Variants in PRRG4 observed in about 807,000 individuals in gnomAD.
The protein encoded by PRRG4 is proline rich and Gla domain 4.
A neutral mutation model predicts 20.0 loss-of-function variants in PRRG4; 12 were observed. The ratio of observed to expected loss-of-function variants is 0.60; its 90% CI spans 0.38 to 0.97. The LOEUF (loss-of-function observed/expected upper bound fraction) is 0.97, where lower values mean the gene tolerates loss of function less well. Ranked by LOEUF, PRRG4 falls within the 50% of genes least tolerant of loss-of-function variation. The pLI is 0.00. For synonymous variants in PRRG4, 94 were observed against 96.4 expected (o/e 0.98, Z 0.15); for missense variants, 199 against 265.1 (o/e 0.75, Z 1.73).
In PRRG4 at chr11:32,856,834, T is replaced by C. The variant is rs1851230748; in HGVS notation, c.*3307T>C. On this transcript the variant is annotated 3_prime_UTR_variant, in exon 6 of 6. Transcript: ENST00000257836. Reference sequence around the variant, plus strand: ...CAAACTTTGACTATGTCAAAGTATTTTTATTTTTAATTTTTTGAGACAAGG... The same window carrying C: ...CAAACTTTGACTATGTCAAAGTATTCTTATTTTTAATTTTTTGAGACAAGG... 6.6e-6 allele frequency: 1 copy of C among 152,196 alleles called. No individual in the cohort carries two copies. The highest frequency in any genetic ancestry group is 6.5e-5 in the Admixed American group (1 of 15,278). 9.4% of individuals were successfully genotyped at this position (152,196 alleles called of 1,614,324 possible). A position where few individuals can be genotyped will look rare whatever the true frequency, so the allele number is the denominator to read the frequency against.
In PRRG4 at chr11:32,840,743, G is replaced by A. The variant is rs1418914932; in HGVS notation, c.449+504G>A. Among the ~76,000 whole-genome samples, 1 of 152,148 alleles carries A rather than the reference G, an allele frequency of 6.6e-6. No homozygotes were observed. The highest frequency in any genetic ancestry group is 1.5e-5 in the Non-Finnish European group (1 of 68,030). Reference sequence around the variant, plus strand: ...TCAGTATTTCCTTCTTAAGCAAGAGGCAGATACCAGTGTCTTCACATTATT... The same window carrying A: ...TCAGTATTTCCTTCTTAAGCAAGAGACAGATACCAGTGTCTTCACATTATT... On this transcript the variant is annotated intron_variant, in intron 5 of 5. Coordinates refer to ENST00000257836, the MANE Select transcript of PRRG4 (RefSeq NM_024081.6). The surrounding 1 kb of genome is among the most constrained non-coding windows in gnomAD (Gnocchi z 4.1).
At chr11:32,851,430 T>C (rs1427447080) in intron 5 of PRRG4, among the ~76,000 whole-genome samples, 1 of 152,196 alleles carries the variant, frequency 6.6e-6, no homozygotes, top group Non-Finnish European at 1.5e-5. Context: ...CATGAATACA[T>C]TCCAGATTTC....
chr11:32,843,329 A>G (rs1467566021), intron 5 of PRRG4, among the ~76,000 whole-genome samples: 1 of 152,094 alleles, frequency 6.6e-6, no homozygotes, highest in Admixed American at 6.6e-5. Flanking sequence ...ATATTATAGA[A>G]AGGTATAATA....
intron 5 of PRRG4, among the ~76,000 whole-genome samples, chr11:32,849,790 A>C (rs1274517280): frequency 6.6e-6 from 1 of 152,236 alleles, no homozygotes; most frequent in Non-Finnish European, 1.5e-5. Context: ...CAGAAGAGGA[A>C]CATAAATGGT....
chr11:32,846,694 G>A (rs575560758), intron 5 of PRRG4, among the ~76,000 whole-genome samples: 3 of 151,766 alleles, frequency 2.0e-5, no homozygotes, highest in African/African-American at 7.2e-5. Flanking sequence ...CGTAGAACTT[G>A]ATGCCTGATT....
chr11:32,846,782 G>A (rs1176185950), intron 5 of PRRG4, among the ~76,000 whole-genome samples: 3 of 152,068 alleles, frequency 2.0e-5, no homozygotes, highest in South Asian at 2.1e-4. Context: ...GGCGGATCAC[G>A]AGGTCAAGAG....
chr11:32,833,618 A>G (rs1590667309), intron 2 of PRRG4, among the ~76,000 whole-genome samples: 2 of 152,238 alleles, frequency 1.3e-5, no homozygotes, highest in East Asian at 1.9e-4. Flanking sequence ...CTTTAAACCT[A>G]TGCCGAGCTG....
chr11:32,837,529 GATGATGATGATGATTATTATTATT>G (rs1465985137), intron 3 of PRRG4, among the ~76,000 whole-genome samples: 8 of 113,072 alleles, frequency 7.1e-5, no homozygotes, highest in African/African-American at 1.5e-4. Context: ...TGATGATGAT[GATGATGATGATGATTATTATTATT>G]ATTATTATTA....
chr11:32,838,740 C>A, intron 3 of PRRG4, 142 bp from the exon 4 acceptor site: 1 of 603,284 alleles, frequency 1.7e-6, no homozygotes, highest in Admixed American at 2.8e-5. Flanking sequence ...TAGAGTGAGT[C>A]ACACCCTCCA....
intron 5 of PRRG4, among the ~76,000 whole-genome samples, chr11:32,846,552 G>C (rs1851132190): frequency 6.6e-6 from 1 of 152,188 alleles, no homozygotes; most frequent in East Asian, 1.9e-4. Flanking sequence ...GGCTCTTATA[G>C]TCTGGTTTTC....
chr11:32,853,320 G>T lies in PRRG4; in HGVS notation c.474G>T (p.Gly158=). 6.2e-7 allele frequency: 1 copy of T among 1,614,016 alleles called. No homozygotes were observed. Among genetic ancestry groups the T allele is most frequent in the Non-Finnish European group, 8.5e-7 (1 of 1,179,958 alleles). ...GCTCTTCAGCCGTCTATGAAAGGGG[G>T]AGGCACACTCCCTCCATCATTTTCA... ...HPCSSAVYER[G]RHTPSIIFRR... The change falls in exon 6 of 6, where the codon GGG becomes GGT. Residue 158 remains glycine, a synonymous_variant. Coordinates refer to ENST00000257836, the MANE Select transcript of PRRG4 (RefSeq NM_024081.6).
chr11:32,837,535 GATGATGATTATTATTATTATT>G lies in PRRG4; in HGVS notation c.267+717_267+737del, dbSNP rs1451052558. Among the ~76,000 whole-genome samples, 38 of 103,428 alleles carry G rather than the reference GATGATGATTATTATTATTATT, an allele frequency of 3.7e-4. 2 individuals carry two copies. Among genetic ancestry groups the G allele is most frequent in the Admixed American group, 3.2e-3 (31 of 9,720 alleles). 67.9% of individuals were successfully genotyped at this position (103,428 alleles called of 152,430 possible). ...TGATGATGATGATGATGATGATGAT[GATGATGATTATTATTATTATT>G]ATTATTATTATTATTATTATTATTA... On this transcript the variant is annotated intron_variant, in intron 3 of 5. Transcript: ENST00000257836.
chr11:32,853,031 G>A (rs1302633864), intron 5 of PRRG4, among the ~76,000 whole-genome samples: 4 of 142,390 alleles, frequency 2.8e-5, no homozygotes, highest in Non-Finnish European at 6.0e-5. Context: ...CTCATGATCC[G>A]CCCGCCTCAG....
At chr11:32,852,177 A>G (rs980536566) in intron 5 of PRRG4, among the ~76,000 whole-genome samples, 2 of 152,214 alleles carry the variant, frequency 1.3e-5, no homozygotes, top group African/African-American at 4.8e-5. Context: ...GAACGATACT[A>G]GTGAAAGCAC....
Position 32,854,951 on chromosome 11 carries a change from T to C in PRRG4, c.*1424T>C, listed in dbSNP as rs139967786. On this transcript the variant is annotated 3_prime_UTR_variant, in exon 6 of 6. Transcript: ENST00000257836. ...CTAGAACTTAATGAAGTTGCCCCTG[T>C]TACTGATTAGTAAATACTCCCATCT... 1.2e-3 allele frequency: 177 copies of C among 152,350 alleles called. 5 individuals carry two copies. The highest frequency in any genetic ancestry group is 4.2e-3 in the African/African-American group (174 of 41,588). 9.4% of individuals were successfully genotyped at this position (152,350 alleles called of 1,614,324 possible).
chr11:32,841,083 AGC>A (rs1851073078), intron 5 of PRRG4, among the ~76,000 whole-genome samples: 2 of 151,096 alleles, frequency 1.3e-5, no homozygotes, highest in Non-Finnish European at 3.0e-5. Flanking sequence ...AAAAAAAAAA[AGC>A]AGCAGATGCT....
chr11:32,831,941 A>T (rs1387466602), intron 2 of PRRG4, among the ~76,000 whole-genome samples: 1 of 152,156 alleles, frequency 6.6e-6, no homozygotes, highest in Non-Finnish European at 1.5e-5. Context: ...GTGAGCTGAG[A>T]TCGTGCCACT....
rs922104761 is a variant in PRRG4, at chr11:32,854,657, A to G, written c.*1130A>G. On this transcript the variant is annotated 3_prime_UTR_variant, in exon 6 of 6. Transcript: ENST00000257836. ...GGTTAGAAATACTTCACAGAATTTG[A>G]CATTTCAGTATAAATCTGTGACCTT... 7.9e-5 allele frequency: 12 copies of G among 151,992 alleles called. No homozygotes were observed. Among genetic ancestry groups the G allele is most frequent in the Admixed American group, 7.2e-4 (11 of 15,270 alleles). 9.4% of individuals were successfully genotyped at this position (151,992 alleles called of 1,614,324 possible).
intron 5 of PRRG4, among the ~76,000 whole-genome samples, chr11:32,852,939 ATTTTTTTT>A (rs34615143): frequency 5.0e-5 from 5 of 99,112 alleles, no homozygotes; most frequent in South Asian, 7.1e-4. Flanking sequence ...TGCCCGGCTA[ATTTTTTTT>A]TTTTTTTTTT....
Sources: allele counts gnomAD v4.1 joint callset (sites outside exome capture counted in the v4.1 genomes callset), GRCh38; gene constraint gnomAD v4.1.1; non-coding constraint Gnocchi (gnomAD v3.1); transcripts MANE v1.5; gene names NCBI Gene and HGNC (gene_info 2026-07-23, HGNC 2026-07-21).